Variants in WDR25 observed in about 807,000 individuals in gnomAD.
WDR25 encodes the protein WD repeat domain 25, also known as WD repeat-containing protein 25.
A neutral mutation model predicts 47.7 loss-of-function variants in WDR25; 35 were observed. The ratio of observed to expected loss-of-function variants is 0.73; its 90% confidence interval spans 0.56 to 0.97. The LOEUF is 0.97. Ranked by LOEUF, WDR25 falls within the 50% of genes least tolerant of loss-of-function variation. WDR25 has a pLI of 0.00. For missense variants in WDR25, 634 were observed against 704.7 expected, an observed-to-expected ratio of 0.90 and a Z score of 1.14; for synonymous variants, 248 against 278.9, an observed-to-expected ratio of 0.89 and a Z score of 1.10.
intron 4 of WDR25, among the ~76,000 whole-genome samples, chr14:100,514,192 TC>T (rs562254088): frequency 4.0e-4 from 61 of 152,304 alleles, no homozygotes; most frequent in Middle Eastern, 6.8e-3. Flanking sequence ...CGCCTCGGCC[TC>T]CCAAAGTGCT....
intron 5 of WDR25, among the ~76,000 whole-genome samples, chr14:100,527,643 T>C (rs2030252600): frequency 6.6e-6 from 1 of 152,174 alleles, no homozygotes; most frequent in Admixed American, 6.5e-5. Context: ...TCTGAGGGTG[T>C]CCTGCCTCCA....
At chr14:100,432,346 C>A (rs994140613) in intron 2 of WDR25, among the ~76,000 whole-genome samples, 3 of 152,302 alleles carry the variant, frequency 2.0e-5, no homozygotes, top group African/African-American at 7.2e-5. Flanking sequence ...TCCTTTCATT[C>A]GTTATTTTTA....
rs1163106755 is a variant in WDR25, at chr14:100,428,896, C to T, written c.823-39125C>T. On this transcript the variant is annotated intron_variant, in intron 2 of 6. Transcript: ENST00000402312. This position sits in a 1 kb window ranked among gnomAD's most constrained non-coding sequence, Gnocchi z 4.3. ...AATATCACTCAAGCTCCTCTTGCGT[C>T]TTTGGCACCAGAGGCGTCATCCCCC... 1.3e-5 allele frequency among the ~76,000 whole-genome samples: 2 copies of T among 152,116 alleles called. No individual in the cohort carries two copies. The highest frequency in any genetic ancestry group is 2.9e-5 in the Non-Finnish European group (2 of 68,030).
intron 2 of WDR25, among the ~76,000 whole-genome samples, chr14:100,416,874 C>T (rs928871789): frequency 1.3e-5 from 2 of 152,198 alleles, no homozygotes; most frequent in African/African-American, 2.4e-5. Context: ...CCAGTAACTT[C>T]ACAGTCATGA....
intron 2 of WDR25, among the ~76,000 whole-genome samples, chr14:100,467,174 T>C (rs1899659145): frequency 6.6e-6 from 1 of 152,256 alleles, no homozygotes; most frequent in African/African-American, 2.4e-5. Context: ...GTACTTTGAC[T>C]GGTTGTAAAT....
At chr14:100,526,078 C>G (rs1456373125) in intron 5 of WDR25, 38 bp downstream of exon 5, 1 of 1,609,428 alleles carries the variant, frequency 6.2e-7, no homozygotes, top group South Asian at 1.1e-5. Context: ...CAGTTTCAGC[C>G]ACAGAGCGTA....
At position 100,506,072 on chromosome 14, in the gene WDR25, C is replaced by T. The variant is rs1901100590; in HGVS notation, c.1102-19798C>T. Among the ~76,000 whole-genome samples, 1 of 152,174 alleles carries T rather than the reference C, an allele frequency of 6.6e-6. No individual in the cohort carries two copies. Among genetic ancestry groups the T allele is most frequent in the South Asian group, 2.1e-4 (1 of 4,826 alleles). On this transcript the variant is annotated intron_variant, in intron 4 of 6. Transcript: ENST00000402312. The surrounding 1 kb of genome is among the most constrained non-coding windows in gnomAD (Gnocchi z 4.8). ...TTTTCAACCCTTGCCCGCTCCCTCC[C>T]TCCACCCTCTAGACCACAGTGTCTA...
chr14:100,474,557 G>A (rs565489394), intron 3 of WDR25, among the ~76,000 whole-genome samples: 31 of 152,334 alleles, frequency 2.0e-4, no homozygotes, highest in African/African-American at 7.2e-4. Context: ...GAGCCCAAAC[G>A]TGTTTACGGC....
In WDR25 at chr14:100,381,402, A is replaced by G. The variant is rs1896891565; in HGVS notation, c.478A>G (p.Asn160Asp). The change falls in exon 2 of 7, where the codon AAT becomes GAT. Residue 160 changes from asparagine to aspartate, a missense_variant. Transcript: ENST00000402312. ...AAGTGAGTCTGAAACCGTAGGTAAAAATGGCAGCTCTTTTCAGAAGAAAAA... is the reference window on the plus strand; with the variant it reads ...AAGTGAGTCTGAAACCGTAGGTAAAGATGGCAGCTCTTTTCAGAAGAAAAA... ...AQSESETVGK[N>D]GSSFQKKKCE... 6.2e-7 allele frequency: 1 copy of G among 1,614,178 alleles called. No homozygotes were observed. Among genetic ancestry groups the G allele is most frequent in the Non-Finnish European group, 8.5e-7 (1 of 1,180,020 alleles).
At chr14:100,380,480 G>A (rs1896854443) in intron 1 of WDR25, among the ~76,000 whole-genome samples, 1 of 149,582 alleles carries the variant, frequency 6.7e-6, no homozygotes, top group Admixed American at 6.7e-5. Flanking sequence ...TTTTGTTTTT[G>A]TATTTATTCT....
intron 4 of WDR25, among the ~76,000 whole-genome samples, chr14:100,520,101 A>C (rs1901667827): frequency 6.7e-6 from 1 of 149,574 alleles, no homozygotes; most frequent in Non-Finnish European, 1.5e-5. Flanking sequence ...TAGTGTATAT[A>C]TATATATAGT....
chr14:100,389,856 C>T (rs1323080451), intron 2 of WDR25, among the ~76,000 whole-genome samples: 14 of 152,184 alleles, frequency 9.2e-5, no homozygotes, highest in Admixed American at 9.2e-4. Flanking sequence ...TCGGCCCCCC[C>T]ATAGAACGAG....
In WDR25 at chr14:100,430,411, G is replaced by A. The variant is rs1353414892; in HGVS notation, c.823-37610G>A. ...ACCATGAAGCCGAAATTCCTAGTCT[G>A]TTTATTCATAATAATACCTTATAGC... On this transcript the variant is annotated intron_variant, in intron 2 of 6. Transcript: ENST00000402312. The surrounding 1 kb of genome is among the most constrained non-coding windows in gnomAD (Gnocchi z 4.7). Among the ~76,000 whole-genome samples the A allele has an allele frequency of 6.6e-6, 1 of 152,190 alleles. No homozygotes were observed. The highest frequency in any genetic ancestry group is 1.5e-5 in the Non-Finnish European group (1 of 68,038).
In WDR25 at chr14:100,530,226, A is replaced by G. The variant is rs1191780355; in HGVS notation, c.*185A>G. ...TTTGCCTCAGGAGTGTGAGGACTAC[A>G]CTAGTGAAAGCGCCTGGCGGGCAGC... On this transcript the variant is annotated 3_prime_UTR_variant, in exon 7 of 7. Coordinates refer to ENST00000402312, the MANE Select transcript of WDR25 (RefSeq NM_001161476.3). 2.4e-5 allele frequency: 15 copies of G among 628,750 alleles called. No individual in the cohort carries two copies. Among genetic ancestry groups the G allele is most frequent in the Non-Finnish European group, 2.7e-6 (1 of 374,634 alleles). The allele number at this position is 628,750 out of a possible 1,614,324, so 38.9% of individuals were successfully genotyped here. A position where few individuals can be genotyped will look rare whatever the true frequency, so the allele number is the denominator to read the frequency against.
At chr14:100,427,542 C>A (rs761031327) in intron 2 of WDR25, among the ~76,000 whole-genome samples, 2 of 152,102 alleles carry the variant, frequency 1.3e-5, no homozygotes, top group Non-Finnish European at 2.9e-5. Flanking sequence ...CGAGTAGGTG[C>A]GGGCCTTGGA....
intron 2 of WDR25, among the ~76,000 whole-genome samples, chr14:100,405,825 A>G (rs1384621734): frequency 6.6e-6 from 1 of 152,164 alleles, no homozygotes; most frequent in Non-Finnish European, 1.5e-5. Flanking sequence ...AGTGCTTAAG[A>G]AACGCCACTC....
intron 2 of WDR25, among the ~76,000 whole-genome samples, chr14:100,391,472 G>T (rs758648922): frequency 6.6e-6 from 1 of 152,106 alleles, no homozygotes; most frequent in Admixed American, 6.6e-5. Flanking sequence ...GGCTTATTCC[G>T]CAGGGCATGG....
intron 1 of WDR25, among the ~76,000 whole-genome samples, chr14:100,378,121 G>A (rs1369949190): frequency 6.6e-6 from 1 of 152,112 alleles, no homozygotes; most frequent in Non-Finnish European, 1.5e-5. Context: ...TTCTTTCTGG[G>A]AACTAATTGA....
chr14:100,398,224 G>A (rs1265539178), intron 2 of WDR25, among the ~76,000 whole-genome samples: 2 of 152,196 alleles, frequency 1.3e-5, no homozygotes, highest in Admixed American at 1.3e-4. Context: ...GCCTGACAGA[G>A]CCTTGCTTCT....
Sources: allele counts gnomAD v4.1 joint callset (sites outside exome capture counted in the v4.1 genomes callset), GRCh38; gene constraint gnomAD v4.1.1; non-coding constraint Gnocchi (gnomAD v3.1); transcripts MANE v1.5; gene names NCBI Gene and HGNC (gene_info 2026-07-23, HGNC 2026-07-21).